The following CCDC82 variants were observed in gnomAD, a reference collection of about 807,000 sequenced individuals.
CCDC82 encodes the protein coiled-coil domain-containing protein 82.
CCDC82 carries 47 observed loss-of-function variants against 60.6 expected under a neutral mutation model. That is an observed-to-expected ratio of 0.77 (90% CI 0.61 to 0.99). CCDC82 has a LOEUF of 0.99. Ranked by LOEUF, CCDC82 falls within the 50% of genes least tolerant of loss-of-function variation. The pLI is 0.00. For synonymous variants in CCDC82, 212 were observed against 207.4 expected, an observed-to-expected ratio of 1.02 and a Z score of -0.19; for missense variants, 588 against 633.0, an observed-to-expected ratio of 0.93 and a Z score of 0.76.
intron 9 of CCDC82, chr11:96,358,725 G>A: frequency 9.3e-7 from 1 of 1,080,862 alleles, no homozygotes. Context: ...ATACATAAAA[G>A]CGAAAGGACA....
intron 7 of CCDC82, among the ~76,000 whole-genome samples, chr11:96,367,890 G>C (rs771879739): frequency 5.0e-5 from 7 of 141,044 alleles, no homozygotes; most frequent in East Asian, 4.1e-4. Flanking sequence ...GTGTGATTTC[G>C]GCTCACTGCA....
At chr11:96,382,284 T>G (rs971763351) in intron 5 of CCDC82, 2 of 151,846 alleles carry the variant, frequency 1.3e-5, no homozygotes, top group Non-Finnish European at 3.0e-5. Context: ...AAAGTAAGCC[T>G]GTCAGTTCAA....
chr11:96,384,309 C>T lies in CCDC82; in HGVS notation c.439G>A (p.Asp147Asn), dbSNP rs1355449934. 11 of 1,613,136 alleles carry T rather than the reference C, an allele frequency of 6.8e-6. No individual in the cohort carries two copies. The highest frequency in any genetic ancestry group is 9.3e-6 in the Non-Finnish European group (11 of 1,179,634). The change falls in exon 4 of 10, where the codon GAT becomes AAT. Residue 147 changes from aspartate to asparagine, a missense_variant. Coordinates refer to ENST00000646818, the MANE Select transcript of CCDC82 (RefSeq NM_024725.4). ...LNKQTGQIIE[D>N]DQEKHLSQED... ...TGACTTAAATGTTTTTCCTGATCAT[C>T]CTCTATTATTTGTCCAGTTTGTTTG... is the stretch of plus-strand genomic sequence containing the variant.
intron 8 of CCDC82, chr11:96,364,092 G>A (rs1310752785): frequency 6.6e-6 from 1 of 151,992 alleles, no homozygotes; most frequent in Admixed American, 6.6e-5. Flanking sequence ...AGACCATGAA[G>A]GTACAGCAAT....
intron 5 of CCDC82, 95 bp from the exon 6 acceptor site, chr11:96,373,562 T>C: frequency 2.8e-6 from 2 of 702,706 alleles, no homozygotes; most frequent in Non-Finnish European, 4.9e-6. Context: ...AAATTAAAAC[T>C]ATAGATAGCA....
At chr11:96,375,185 CTAAGTT>C (rs1865501986) in intron 5 of CCDC82, among the ~76,000 whole-genome samples, 1 of 152,070 alleles carries the variant, frequency 6.6e-6, no homozygotes, top group South Asian at 2.1e-4. Flanking sequence ...CCATGTGCAC[CTAAGTT>C]TAACTATCAT....
chr11:96,369,392 C>T (rs1284526999), intron 7 of CCDC82, among the ~76,000 whole-genome samples: 1 of 152,174 alleles, frequency 6.6e-6, no homozygotes, highest in African/African-American at 2.4e-5. Flanking sequence ...TCATTTCTCA[C>T]TTTAGATTTA....
Position 96,383,971 on chromosome 11 carries a change from T to A in CCDC82, c.777A>T (p.Arg259Ser). 1 of 1,606,906 alleles carries A rather than the reference T, an allele frequency of 6.2e-7. No individual in the cohort carries two copies. Among genetic ancestry groups the A allele is most frequent in the Non-Finnish European group, 8.5e-7 (1 of 1,177,426 alleles). The change falls in exon 4 of 10, where the codon AGA becomes AGT. Residue 259 changes from arginine to serine, a missense_variant. Transcript: ENST00000646818. ...QRSRQRRSSG[R>S]DFEDSEKESC... ...ACAAAATATAACACACCTCAAAATC[T>A]CTACCACTACTGCGTCTCTGACGAG... is the stretch of plus-strand genomic sequence containing the variant.
intron 7 of CCDC82, among the ~76,000 whole-genome samples, chr11:96,368,998 G>A (rs913531874): frequency 1.3e-5 from 2 of 152,122 alleles, no homozygotes; most frequent in African/African-American, 4.8e-5. Flanking sequence ...ATTAGCACTT[G>A]CTGCTTCACC....
intron 9 of CCDC82, chr11:96,358,666 CAAAA>C (rs58477850): frequency 3.6e-4 from 391 of 1,083,316 alleles, no homozygotes; most frequent in South Asian, 4.1e-4. Flanking sequence ...TATACTCTGT[CAAAA>C]AAAAAAAAAA....
chr11:96,381,129 AAAG>A (rs1865859454), intron 5 of CCDC82: 1 of 151,742 alleles, frequency 6.6e-6, no homozygotes. Flanking sequence ...TAAAAGGTGT[AAAG>A]AAGTTGAAGT....
Position 96,359,132 on chromosome 11 carries a change from T to A in CCDC82, c.1427A>T (p.His476Leu). ...TTTGAATTTAAAATGTTTCAGTTTA[T>A]GATAAATTCTGGTACGGCTGGCACA... ...RICASRTRIY[H>L]KLKHFKFKLY... Residue 476 changes from histidine (H) to leucine (L), a missense_variant, in exon 9 of 10, where the codon CAT (histidine) becomes CTT (leucine). By Grantham distance (99) the His-to-Leu change is moderately conservative. Coordinates refer to ENST00000646818, the MANE Select transcript of CCDC82 (RefSeq NM_024725.4). 3.1e-6 allele frequency: 5 copies of A among 1,595,096 alleles called. No homozygotes were observed. Among genetic ancestry groups the A allele is most frequent in the Non-Finnish European group, 4.3e-6 (5 of 1,174,868 alleles).
chr11:96,371,246 G>A lies in CCDC82; in HGVS notation c.1085-109C>T. On this transcript the variant is annotated intron_variant, in intron 6 of 9. Transcript: ENST00000646818. ...ACTTGGTTGGAAGCATTTTAAATTAGGAAAAAAAATATTTAAAAAATCATT... is the reference window on the plus strand; with the variant it reads ...ACTTGGTTGGAAGCATTTTAAATTAAGAAAAAAAATATTTAAAAAATCATT... The A allele has an allele frequency of 5.7e-6, 4 of 697,602 alleles. No individual in the cohort carries two copies. The South Asian group carries it at 1.2e-4, about 21-fold the overall frequency. The allele number at this position is 697,602 out of a possible 1,614,324, so 43.2% of individuals were successfully genotyped here.
chr11:96,354,402 C>T (rs1864242091), intron 9 of CCDC82: 1 of 152,088 alleles, frequency 6.6e-6, no homozygotes, highest in Non-Finnish European at 1.5e-5. Context: ...ACCAAAGAGG[C>T]TGAGTTCAGA....
At chr11:96,389,807 G>C (rs892063291) in intron 1 of CCDC82, 37 bp downstream of exon 1, 2 of 152,560 alleles carry the variant, frequency 1.3e-5, no homozygotes, top group Non-Finnish European at 2.9e-5. Context: ...GCGAGTCCCA[G>C]CCGGGAGACA....
chr11:96,353,886 T>A, intron 9 of CCDC82, 172 bp from the exon 10 acceptor site: 1 of 484,638 alleles, frequency 2.1e-6, no homozygotes, highest in Non-Finnish European at 3.6e-6. Context: ...AACTCATATA[T>A]AACTCATATA....
rs61901564 is a variant in CCDC82, at chr11:96,353,259, T to C, written c.*387A>G. The C allele has an allele frequency of 1.9e-3, 326 of 169,522 alleles. 1 individual carries two copies. The highest frequency in any genetic ancestry group is 3.3e-3 in the Non-Finnish European group (266 of 79,868). The allele number at this position is 169,522 out of a possible 1,614,324, so 10.5% of individuals were successfully genotyped here. On this transcript the variant is annotated 3_prime_UTR_variant, in exon 10 of 10. Coordinates refer to ENST00000646818, the MANE Select transcript of CCDC82 (RefSeq NM_024725.4). ...AAAATCATTTAATACTGTAAAAGAA[T>C]AAACAGATCTGGACAGGAATTCCGT...
intron 6 of CCDC82, 147 bp from the exon 7 acceptor site, chr11:96,371,284 T>G: frequency 1.8e-6 from 1 of 560,664 alleles, no homozygotes; most frequent in Non-Finnish European, 2.8e-6. Flanking sequence ...ATCAGAACAT[T>G]AAGGAAAAAC....
At chr11:96,381,343 A>C (rs1046502650) in intron 5 of CCDC82, 2 of 151,788 alleles carry the variant, frequency 1.3e-5, no homozygotes, top group Admixed American at 6.6e-5. Context: ...TGCAGTGTAG[A>C]GATAACTGTA....
Sources: allele counts gnomAD v4.1 joint callset (sites outside exome capture counted in the v4.1 genomes callset), GRCh38; gene constraint gnomAD v4.1.1; transcripts MANE v1.5; gene names NCBI Gene and HGNC (gene_info 2026-07-23, HGNC 2026-07-21).